NECAB2: variants seen among roughly 807,000 people sequenced by gnomAD.
The protein encoded by NECAB2 is N-terminal EF-hand calcium binding protein 2, also known as N-terminal EF-hand calcium-binding protein 2.
A neutral mutation model predicts 51.9 loss-of-function variants in NECAB2; 68 were observed. That is an observed-to-expected ratio of 1.31 (90% CI 1.08 to 1.60). NECAB2 has a LOEUF of 1.60. NECAB2 is among the 40% of genes most tolerant of loss of function. The pLI is 0.00. For missense variants in NECAB2, 854 were observed against 490.3 expected (o/e 1.74, Z -7.00); for synonymous variants, 329 against 203.5 (o/e 1.62, Z -5.25).
rs1567680588 is a variant in NECAB2, at chr16:84,000,064, T to TA, written c.963-660_963-659insA. On this transcript the variant is annotated intron_variant, in intron 10 of 12. Coordinates refer to ENST00000305202, the MANE Select transcript of NECAB2 (RefSeq NM_019065.3). ...ACCAGGCCCAGCAAGTTTTATTTTT[T>TA]TTTTTTTTAAAGAGACAGTGTTTTG... is the stretch of plus-strand genomic sequence containing the variant. Among the ~76,000 whole-genome samples the TA allele has an allele frequency of 1.1e-3, 170 of 150,852 alleles. 1 individual carries two copies. The highest frequency in any genetic ancestry group is 3.9e-3 in the African/African-American group (157 of 40,326).
intron 5 of NECAB2, among the ~76,000 whole-genome samples, chr16:83,981,545 C>G (rs980829309): frequency 6.6e-6 from 1 of 152,124 alleles, no homozygotes; most frequent in African/African-American, 2.4e-5. Context: ...TGCTCAGCAC[C>G]TGGTTTAATC....
rs747835034 is a variant in NECAB2 at position 83,990,629 on chromosome 16, C to T, written c.595C>T (p.Arg199Ter). ...EAIEEQTSQL[R>*]QNHIKPSHSA... ...CATCGAGGAACAGACCAGCCAGCTC[C>T]GGTGAGTCTCTGAGACCCTGCAGGG... Residue 199 changes from arginine to a stop codon, truncating the protein, a stop_gained and splice_region_variant, in exon 6 of 13, where the codon CGA becomes TGA. Transcript: ENST00000305202. LOFTEE classifies it high-confidence loss of function. The T allele has an allele frequency of 1.8e-5, 29 of 1,614,002 alleles. No homozygotes were observed. The highest frequency in any genetic ancestry group is 1.7e-4 in the Middle Eastern group (1 of 6,060).
At chr16:83,971,793 T>G in intron 1 of NECAB2, 4 of 409,508 alleles carry the variant, frequency 9.8e-6, no homozygotes, top group Non-Finnish European at 1.3e-5. Flanking sequence ...TGATTCGGAG[T>G]GTGGTTGTGT....
chr16:83,972,023 G>A (rs2084354275), intron 1 of NECAB2, 128 bp from the exon 2 acceptor site: 6 of 1,268,992 alleles, frequency 4.7e-6, no homozygotes, highest in Admixed American at 4.0e-5. Flanking sequence ...AGAGGGAAGG[G>A]GGGCTCAGCT....
intron 12 of NECAB2, 135 bp from the exon 13 acceptor site, chr16:84,002,183 G>A (rs2084849974): frequency 3.3e-6 from 4 of 1,201,642 alleles, no homozygotes; most frequent in Non-Finnish European, 4.9e-6. Flanking sequence ...TTTGCACCTG[G>A]GTGACCAGCA....
intron 2 of NECAB2, among the ~76,000 whole-genome samples, chr16:83,977,170 C>A (rs1286492913): frequency 1.3e-5 from 2 of 152,240 alleles, no homozygotes; most frequent in Admixed American, 1.3e-4. Flanking sequence ...GCTTTGAATG[C>A]AGATCCTCTG....
intron 10 of NECAB2, among the ~76,000 whole-genome samples, chr16:83,998,817 T>C (rs56054125): frequency 0.064 from 9,096 of 141,940 alleles, 266 homozygotes; most frequent in East Asian, 0.11. Flanking sequence ...CCTGATGTGC[T>C]GAGATGTCCA....
At chr16:83,994,567 C>G (rs767221185) in intron 7 of NECAB2, 42 bp from the exon 8 acceptor site, 1 of 1,612,464 alleles carries the variant, frequency 6.2e-7, no homozygotes, top group African/African-American at 1.3e-5. Context: ...AGCCCTCGTC[C>G]TGCCCACCAC....
intron 2 of NECAB2, among the ~76,000 whole-genome samples, chr16:83,974,139 A>G (rs144900921): frequency 9.2e-5 from 14 of 152,166 alleles, no homozygotes; most frequent in African/African-American, 2.2e-4. Context: ...ACCAGCCACC[A>G]CTATGTGACC....
At chr16:83,998,127 G>A (rs925636474) in intron 9 of NECAB2, 78 bp from the exon 10 acceptor site, 3 of 1,272,808 alleles carry the variant, frequency 2.4e-6, no homozygotes, top group Non-Finnish European at 1.1e-6. Context: ...GAGGAAGGGA[G>A]GTCATGGGGG....
At chr16:83,991,343 T>G (rs182588451) in intron 6 of NECAB2, among the ~76,000 whole-genome samples, 1 of 151,592 alleles carries the variant, frequency 6.6e-6, no homozygotes. Flanking sequence ...CTTTTTTCTT[T>G]TTCTATTTCC....
Position 84,001,912 on chromosome 16 carries a change from G to T in NECAB2, c.1128G>T (p.Val376=). 9 of 1,613,900 alleles carry T rather than the reference G, an allele frequency of 5.6e-6. No individual in the cohort carries two copies. The highest frequency in any genetic ancestry group is 7.6e-6 in the Non-Finnish European group (9 of 1,179,874). ...CTGAGGCCCTCTCCAGGATCTTGGT[G>T]CCAGGTAGGGGGCAAAGGCCTGGAA... is the stretch of plus-strand genomic sequence containing the variant. ...SQPEALSRIL[V]PAAWCTVGRD Residue 376 remains valine (V), a synonymous_variant, in exon 12 of 13, where the codon GTG becomes GTT. Coordinates refer to ENST00000305202, the MANE Select transcript of NECAB2 (RefSeq NM_019065.3).
chr16:84,001,791 C>T (rs776983695), intron 11 of NECAB2, 34 bp from the exon 12 acceptor site: 1 of 1,610,216 alleles, frequency 6.2e-7, no homozygotes, highest in Non-Finnish European at 8.5e-7. Flanking sequence ...TCCACTCCTG[C>T]CACCCCTGAC....
At chr16:83,985,169 C>T (rs925290099) in intron 5 of NECAB2, among the ~76,000 whole-genome samples, 18 of 150,452 alleles carry the variant, frequency 1.2e-4, no homozygotes, top group East Asian at 3.9e-4. Context: ...AAAAATTAGC[C>T]GAGCGTGGTG....
chr16:83,990,831 G>C (rs1284201841), intron 6 of NECAB2, among the ~76,000 whole-genome samples: 1 of 152,024 alleles, frequency 6.6e-6, no homozygotes, highest in Non-Finnish European at 1.5e-5. Flanking sequence ...TGCAAGGATT[G>C]AATGAGATAG....
rs141894225 is a variant in NECAB2, at chr16:84,002,431, G to C, written c.*85G>C. On this transcript the variant is annotated 3_prime_UTR_variant, in exon 13 of 13. Transcript: ENST00000305202. ...CGTTTTTTTCTAGACAGACACTTTG[G>C]TGCAGAAGCTTCTTTTCAATCCATC... 850 of 1,505,254 alleles carry C rather than the reference G, an allele frequency of 5.6e-4. 5 individuals carry two copies. In the African/African-American group the frequency reaches 0.011, roughly 19 times the overall value. 93.2% of individuals were successfully genotyped at this position (1,505,254 alleles called of 1,614,324 possible).
rs1267743169 is a variant in NECAB2, at chr16:84,002,643, T to C, written c.*297T>C. On this transcript the variant is annotated 3_prime_UTR_variant, in exon 13 of 13. Transcript: ENST00000305202. ...CCCCTACCCCTCACATGGCCACGCA[T>C]GACCCACACTGACCACACCCTGCCC... 2 of 514,378 alleles carry C rather than the reference T, an allele frequency of 3.9e-6. No individual in the cohort carries two copies. Among genetic ancestry groups the C allele is most frequent in the Non-Finnish European group, 7.0e-6 (2 of 284,116 alleles). The allele number at this position is 514,378 out of a possible 1,614,324, so 31.9% of individuals were successfully genotyped here.
At chr16:83,965,403 G>A, upstream of NECAB2, 1 of 1,576,456 alleles carries the variant, frequency 6.3e-7, no homozygotes, top group Non-Finnish European at 8.6e-7. Context: ...GCCGCCACAA[G>A]GGTGGGTGCG....
chr16:83,975,365 G>A (rs1044230988), intron 2 of NECAB2, among the ~76,000 whole-genome samples: 2 of 152,162 alleles, frequency 1.3e-5, no homozygotes, highest in Middle Eastern at 3.4e-3. Flanking sequence ...GATGAGAACA[G>A]GTGTGCAGGG....
Sources: allele counts gnomAD v4.1 joint callset (sites outside exome capture counted in the v4.1 genomes callset), GRCh38; gene constraint gnomAD v4.1.1; transcripts MANE v1.5; gene names NCBI Gene and HGNC (gene_info 2026-07-23, HGNC 2026-07-21).